PSME3IP1: variants seen among roughly 807,000 people sequenced by gnomAD.
PSME3IP1 encodes PSME3-interacting protein.
A neutral mutation model predicts 34.1 loss-of-function variants in PSME3IP1; 13 were observed. The observed-to-expected ratio is 0.38, with a 90% CI of 0.25 to 0.61. The LOEUF (loss-of-function observed/expected upper bound fraction) is 0.61, where lower values mean the gene tolerates loss of function less well. PSME3IP1 is among the 20% of genes least tolerant of loss of function. PSME3IP1 has a pLI of 0.60. For missense variants in PSME3IP1, 237 were observed against 301.4 expected, an observed-to-expected ratio of 0.79 and a Z score of 1.58; for synonymous variants, 93 against 114.3, an observed-to-expected ratio of 0.81 and a Z score of 1.19.
At chr16:57,179,108 AC>A in intron 1 of PSME3IP1, among the ~76,000 whole-genome samples, 1 of 152,360 alleles carries the variant, frequency 6.6e-6, no homozygotes, top group South Asian at 2.1e-4. Flanking sequence ...AGGAATGCTT[AC>A]TTTGTCCTTA....
At chr16:57,172,149 A>G in intron 4 of PSME3IP1, 102 bp downstream of exon 4, 1 of 1,245,676 alleles carries the variant, frequency 8.0e-7, no homozygotes. Context: ...TTGAGAGATC[A>G]CCAGGTAGAA....
rs1480345420 is a variant in PSME3IP1 at position 57,154,298 on chromosome 16, C to A, written c.757G>T (p.Ala253Ser). ...GTGTAGGGACGGAGAAACTAGGGGG[C>A]CTCGAGGAAGGTGTTGGTTCGGAAG... ...SIFRTNTFLE[A>S]P Residue 253 changes from alanine to serine, a missense_variant, in exon 7 of 7, where the codon GCC becomes TCC. Transcript: ENST00000309137. This position sits in a 1 kb window ranked among gnomAD's most constrained non-coding sequence, Gnocchi z 4.0. 3.7e-6 allele frequency: 6 copies of A among 1,613,532 alleles called. No individual in the cohort carries two copies. In the East Asian group the frequency reaches 8.9e-5, roughly 24 times the overall value.
intron 1 of PSME3IP1, among the ~76,000 whole-genome samples, chr16:57,181,014 G>A (rs1032765118): frequency 6.6e-6 from 1 of 151,630 alleles, no homozygotes; most frequent in East Asian, 1.9e-4. Flanking sequence ...ACTACAGCCT[G>A]GGCAACAGCA....
chr16:57,183,940 A>G (rs1190940355), intron 1 of PSME3IP1, among the ~76,000 whole-genome samples: 2 of 152,218 alleles, frequency 1.3e-5, no homozygotes, highest in African/African-American at 4.8e-5. Flanking sequence ...TGGACAACAG[A>G]AACAGACTCC....
intron 1 of PSME3IP1, among the ~76,000 whole-genome samples, chr16:57,175,160 G>A (rs186898760): frequency 5.3e-5 from 8 of 152,128 alleles, no homozygotes; most frequent in Admixed American, 2.0e-4. Context: ...GACTACAGGC[G>A]TGTGCCAACA....
Position 57,154,226 on chromosome 16 carries a change from T to C in PSME3IP1, c.*64A>G. 7.0e-7 allele frequency: 1 copy of C among 1,429,668 alleles called. No homozygotes were observed. Among genetic ancestry groups the C allele is most frequent in the Non-Finnish European group, 9.8e-7 (1 of 1,018,022 alleles). The allele number at this position is 1,429,668 out of a possible 1,614,324, so 88.6% of individuals were successfully genotyped here. On this transcript the variant is annotated 3_prime_UTR_variant, in exon 7 of 7. Coordinates refer to ENST00000309137, the MANE Select transcript of PSME3IP1 (RefSeq NM_024946.4). This position sits in a 1 kb window ranked among gnomAD's most constrained non-coding sequence, Gnocchi z 4.0. Reference sequence around the variant, plus strand: ...GTTTTTTTTTGAGGGACATAATGCCTATAGGCAGCATGAACGGTCCGATCT... The same window carrying C: ...GTTTTTTTTTGAGGGACATAATGCCCATAGGCAGCATGAACGGTCCGATCT...
intron 6 of PSME3IP1, among the ~76,000 whole-genome samples, chr16:57,158,448 C>T (rs1309769148): frequency 2.0e-5 from 3 of 152,042 alleles, no homozygotes; most frequent in South Asian, 2.1e-4. Flanking sequence ...ATTAGCCAGG[C>T]GTGGTGGCAC....
intron 5 of PSME3IP1, among the ~76,000 whole-genome samples, chr16:57,165,460 A>G (rs1335634969): frequency 6.6e-6 from 1 of 152,226 alleles, no homozygotes; most frequent in African/African-American, 2.4e-5. Context: ...TAAAAGAATA[A>G]ACTAGAAGAG....
chr16:57,158,542 C>T (rs757429776), intron 6 of PSME3IP1, among the ~76,000 whole-genome samples: 1 of 152,136 alleles, frequency 6.6e-6, no homozygotes, highest in South Asian at 2.1e-4. Flanking sequence ...GAGCCGGGAT[C>T]GCACCACCCC....
intron 6 of PSME3IP1, among the ~76,000 whole-genome samples, chr16:57,158,707 C>T (rs1393641747): frequency 2.0e-5 from 3 of 152,180 alleles, no homozygotes; most frequent in Admixed American, 6.5e-5. Flanking sequence ...AGTACAGACA[C>T]CCCTGCTTAA....
chr16:57,172,190 T>C, intron 4 of PSME3IP1, 61 bp downstream of exon 4: 1 of 1,587,064 alleles, frequency 6.3e-7, no homozygotes, highest in Non-Finnish European at 8.6e-7. Context: ...GGAGACAACA[T>C]CCATAGATGC....
At chr16:57,163,050 A>C (rs2145585611) in intron 6 of PSME3IP1, among the ~76,000 whole-genome samples, 1 of 152,270 alleles carries the variant, frequency 6.6e-6, no homozygotes, top group East Asian at 1.9e-4. Context: ...CTGTAATCCC[A>C]AATACTCGGG....
rs191720699 is a variant in PSME3IP1, at chr16:57,164,470, A to G, written c.483-405T>C. Among the ~76,000 whole-genome samples the G allele has an allele frequency of 1.1e-3, 172 of 152,326 alleles. 1 individual carries two copies. Among genetic ancestry groups the G allele is most frequent in the Non-Finnish European group, 9.3e-4 (63 of 68,030 alleles). On this transcript the variant is annotated intron_variant, in intron 5 of 6. Coordinates refer to ENST00000309137, the MANE Select transcript of PSME3IP1 (RefSeq NM_024946.4). ...AGAGATTCTGAGAGTCACCCACAAGATTTTCACTAAAACAATGTATAAGGA... is the reference window on the plus strand; with the variant it reads ...AGAGATTCTGAGAGTCACCCACAAGGTTTTCACTAAAACAATGTATAAGGA...
chr16:57,158,485 G>A (rs1045952376), intron 6 of PSME3IP1, among the ~76,000 whole-genome samples: 41 of 152,222 alleles, frequency 2.7e-4, no homozygotes, highest in African/African-American at 8.7e-4. Flanking sequence ...CTACTTGGGT[G>A]GCTGAGGCAG....
At chr16:57,172,714 G>T in intron 3 of PSME3IP1, 62 bp downstream of exon 3, 1 of 1,244,476 alleles carries the variant, frequency 8.0e-7, no homozygotes, top group Non-Finnish European at 1.2e-6. Context: ...TGCTGCACAA[G>T]GCAAAAGTGC....
intron 4 of PSME3IP1, among the ~76,000 whole-genome samples, chr16:57,170,016 C>T (rs1341901549): frequency 6.6e-6 from 1 of 151,586 alleles, no homozygotes; most frequent in Admixed American, 6.6e-5. Context: ...CTTTTCCTAC[C>T]AGTTCTGATG....
chr16:57,165,404 T>A (rs1180897880), intron 5 of PSME3IP1, among the ~76,000 whole-genome samples: 1 of 152,164 alleles, frequency 6.6e-6, no homozygotes, highest in Non-Finnish European at 1.5e-5. Flanking sequence ...CTAAAAAGAC[T>A]GCACATTCAT....
chr16:57,169,058 GA>G lies in PSME3IP1; in HGVS notation c.349-1833del, dbSNP rs1415318815. On this transcript the variant is annotated intron_variant, in intron 4 of 6. Transcript: ENST00000309137. Reference sequence around the variant, plus strand: ...TAACTTTTTATTCTTTTGAAATGAAGAAAAGTCCTAACCTTTTAGGGGTAGG... The same window carrying G: ...TAACTTTTTATTCTTTTGAAATGAAGAAAGTCCTAACCTTTTAGGGGTAGG... Among the ~76,000 whole-genome samples the G allele has an allele frequency of 2.0e-5, 3 of 151,958 alleles. No individual in the cohort carries two copies. In the South Asian group the frequency reaches 6.2e-4, roughly 31 times the overall value.
At chr16:57,174,663 T>C (rs2073006248) in intron 1 of PSME3IP1, 4 of 985,482 alleles carry the variant, frequency 4.1e-6, no homozygotes, top group Middle Eastern at 5.2e-4. Flanking sequence ...ATCTCAGCTA[T>C]TGAAGACTTA....
Sources: allele counts gnomAD v4.1 joint callset (sites outside exome capture counted in the v4.1 genomes callset), GRCh38; gene constraint gnomAD v4.1.1; non-coding constraint Gnocchi (gnomAD v3.1); transcripts MANE v1.5; gene names NCBI Gene and HGNC (gene_info 2026-07-23, HGNC 2026-07-21).